EVA1C: variants seen among roughly 807,000 people sequenced by gnomAD.
EVA1C encodes protein eva-1 homolog C.
EVA1C carries 25 observed loss-of-function variants against 45.4 expected under a neutral mutation model. The ratio of observed to expected loss-of-function variants is 0.55; its 90% CI spans 0.40 to 0.77. The LOEUF (loss-of-function observed/expected upper bound fraction) is 0.77. Ranked by LOEUF, EVA1C falls within the 30% of genes least tolerant of loss-of-function variation. EVA1C has a pLI of 0.00. For missense variants in EVA1C, 479 were observed against 554.8 expected, an observed-to-expected ratio of 0.86 and a Z score of 1.37; for synonymous variants, 190 against 221.2, an observed-to-expected ratio of 0.86 and a Z score of 1.25.
At chr21:32,423,122 TTGAA>T (rs1456836460) in intron 1 of EVA1C, among the ~76,000 whole-genome samples, 1 of 148,976 alleles carries the variant, frequency 6.7e-6, no homozygotes, top group Non-Finnish European at 1.5e-5. Context: ...TGGTACAACT[TTGAA>T]TGCACTTTAT....
Position 32,412,850 on chromosome 21 carries a change from C to T in EVA1C, c.-4C>T. 1 of 1,475,652 alleles carries T rather than the reference C, an allele frequency of 6.8e-7. No homozygotes were observed. Among genetic ancestry groups the T allele is most frequent in the Non-Finnish European group, 8.9e-7 (1 of 1,120,106 alleles). The allele number at this position is 1,475,652 out of a possible 1,614,324, so 91.4% of individuals were successfully genotyped here. A position where few individuals can be genotyped will look rare whatever the true frequency, so the allele number is the denominator to read the frequency against. On this transcript the variant is annotated 5_prime_UTR_variant, in exon 1 of 8. Coordinates refer to ENST00000300255, the MANE Select transcript of EVA1C (RefSeq NM_058187.5). Reference sequence around the variant, plus strand: ...TGCGCCTCCGCCCCGCCGCGCAGCGCACGATGCTTCTGCCGGGACGCGCAC... The same window carrying T: ...TGCGCCTCCGCCCCGCCGCGCAGCGTACGATGCTTCTGCCGGGACGCGCAC...
At chr21:32,501,044 C>T (rs1388568727) in intron 5 of EVA1C, among the ~76,000 whole-genome samples, 1 of 152,162 alleles carries the variant, frequency 6.6e-6, no homozygotes, top group East Asian at 1.9e-4. Flanking sequence ...AACTCCTGAC[C>T]TCAAGTAATC....
Position 32,502,253 on chromosome 21 carries a change from C to G in EVA1C, c.859+758C>G, listed in dbSNP as rs571346163. Among the ~76,000 whole-genome samples, 33 of 152,026 alleles carry G rather than the reference C, an allele frequency of 2.2e-4. No homozygotes were observed. The East Asian group carries it at 6.4e-3, about 29-fold the overall frequency. On this transcript the variant is annotated intron_variant, in intron 6 of 7. Coordinates refer to ENST00000300255, the MANE Select transcript of EVA1C (RefSeq NM_058187.5). ...AGCAGGGATTACAGGCGTCCACCAC[C>G]ACACCTGGCTAATTTTTGTGTTTTT...
chr21:32,418,637 C>G (rs923683715), intron 1 of EVA1C, among the ~76,000 whole-genome samples: 1 of 152,162 alleles, frequency 6.6e-6, no homozygotes, highest in Non-Finnish European at 1.5e-5. Context: ...CCCAAGACCA[C>G]CCAGCTAGGG....
At chr21:32,466,622 G>A (rs1386377302) in intron 3 of EVA1C, among the ~76,000 whole-genome samples, 1 of 151,986 alleles carries the variant, frequency 6.6e-6, no homozygotes, top group Non-Finnish European at 1.5e-5. Context: ...GAATTCTTTG[G>A]GAACAAAGCA....
intron 1 of EVA1C, among the ~76,000 whole-genome samples, chr21:32,440,191 C>A (rs1339557145): frequency 6.6e-6 from 1 of 152,192 alleles, no homozygotes; most frequent in South Asian, 2.1e-4. Flanking sequence ...CAGAAAAGAT[C>A]AAGTATAGAT....
intron 1 of EVA1C, among the ~76,000 whole-genome samples, chr21:32,425,299 C>T (rs1242539130): frequency 6.9e-6 from 1 of 145,354 alleles, no homozygotes; most frequent in East Asian, 2.0e-4. Context: ...CACGCCACTG[C>T]ACCGCAGCCT....
chr21:32,508,657 G>A (rs564034087), intron 7 of EVA1C, among the ~76,000 whole-genome samples: 56 of 152,228 alleles, frequency 3.7e-4, no homozygotes, highest in Non-Finnish European at 6.6e-4. Flanking sequence ...CCAGCACTTG[G>A]TATGCTTTGT....
intron 4 of EVA1C, among the ~76,000 whole-genome samples, chr21:32,483,910 T>G (rs1426991588): frequency 6.6e-6 from 1 of 152,064 alleles, no homozygotes; most frequent in Non-Finnish European, 1.5e-5. Flanking sequence ...GTAGACGTCC[T>G]TCATGAATAT....
At chr21:32,507,794 G>A (rs1343987983) in intron 7 of EVA1C, among the ~76,000 whole-genome samples, 2 of 150,298 alleles carry the variant, frequency 1.3e-5, no homozygotes, top group African/African-American at 4.9e-5. Context: ...CTGTGCATAT[G>A]TGTATCTCTG....
chr21:32,498,279 T>C (rs1347929212), intron 5 of EVA1C, among the ~76,000 whole-genome samples: 2 of 152,090 alleles, frequency 1.3e-5, no homozygotes, highest in Admixed American at 6.6e-5. Context: ...AAACCCCATC[T>C]CTACTAAAAA....
intron 1 of EVA1C, among the ~76,000 whole-genome samples, chr21:32,434,559 C>A (rs2034855047): frequency 6.6e-6 from 1 of 151,866 alleles, no homozygotes; most frequent in Non-Finnish European, 1.5e-5. Context: ...CCACTGCACT[C>A]CAGCCTGGGC....
At chr21:32,419,638 C>G (rs2034186002) in intron 1 of EVA1C, among the ~76,000 whole-genome samples, 1 of 152,126 alleles carries the variant, frequency 6.6e-6, no homozygotes, top group Admixed American at 6.5e-5. Context: ...TCACTTGAAC[C>G]CAGGAGGTGA....
chr21:32,505,968 C>T (rs1471497945), intron 7 of EVA1C, among the ~76,000 whole-genome samples: 3 of 152,036 alleles, frequency 2.0e-5, no homozygotes, highest in African/African-American at 7.2e-5. Context: ...AGCCATTTGC[C>T]TGAGGACACC....
chr21:32,466,418 CAAAA>C (rs201044286), intron 3 of EVA1C, among the ~76,000 whole-genome samples: 11 of 85,036 alleles, frequency 1.3e-4, no homozygotes, highest in Admixed American at 1.3e-3. Flanking sequence ...GATTCCGTCT[CAAAA>C]AAAAAAAAAA....
In EVA1C at chr21:32,474,749, G is replaced by A. The variant is rs1434637548; in HGVS notation, c.634+6901G>A. On this transcript the variant is annotated intron_variant, in intron 4 of 7. Coordinates refer to ENST00000300255, the MANE Select transcript of EVA1C (RefSeq NM_058187.5). The surrounding 1 kb of genome is among the most constrained non-coding windows in gnomAD (Gnocchi z 4.4). Reference sequence around the variant, plus strand: ...TGAGGTGCCCACACTCGGCTCCCGAGGATGGATAATCGTCTGGTTACAGAC... The same window carrying A: ...TGAGGTGCCCACACTCGGCTCCCGAAGATGGATAATCGTCTGGTTACAGAC... Among the ~76,000 whole-genome samples, 2 of 152,228 alleles carry A rather than the reference G, an allele frequency of 1.3e-5. No homozygotes were observed. Among genetic ancestry groups the A allele is most frequent in the African/African-American group, 4.8e-5 (2 of 41,464 alleles).
intron 4 of EVA1C, among the ~76,000 whole-genome samples, chr21:32,483,876 A>G (rs2036877792): frequency 6.6e-6 from 1 of 152,132 alleles, no homozygotes; most frequent in South Asian, 2.1e-4. Flanking sequence ...AGACGAGATC[A>G]GGTGCATTCA....
rs537993226 is a variant in EVA1C at position 32,421,865 on chromosome 21, G to A, written c.160+8852G>A. On this transcript the variant is annotated intron_variant, in intron 1 of 7. Coordinates refer to ENST00000300255, the MANE Select transcript of EVA1C (RefSeq NM_058187.5). The stretch of plus-strand genomic sequence containing the variant: ...TCAAGACCAGCCTGGCCAACATGGC[G>A]AAGCCCTGTCTCTACTAAAAAATAC... Among the ~76,000 whole-genome samples, 21 of 152,142 alleles carry A rather than the reference G, an allele frequency of 1.4e-4. No individual in the cohort carries two copies. The East Asian group carries it at 2.9e-3, about 21-fold the overall frequency.
intron 1 of EVA1C, among the ~76,000 whole-genome samples, chr21:32,415,294 C>G (rs2226289): frequency 0.55 from 84,318 of 152,014 alleles, 26,694 homozygotes; most frequent in African/African-American, 0.86. Context: ...AATGCAGATA[C>G]TTGCCTGTTT....
Sources: gnomAD v4.1 joint callset for allele counts (sites outside exome capture counted in the v4.1 genomes callset) on GRCh38, gnomAD v4.1.1 for gene constraint, Gnocchi (gnomAD v3.1) non-coding constraint, MANE v1.5 for transcripts, NCBI Gene and HGNC (gene_info 2026-07-23, HGNC 2026-07-21) for gene names.